The following CS variants were observed in gnomAD, a reference collection of about 807,000 sequenced individuals.
The protein encoded by CS is citrate synthase, mitochondrial.
CS carries 13 observed loss-of-function variants against 61.4 expected under a neutral mutation model. The ratio of observed to expected loss-of-function variants is 0.21; its 90% CI spans 0.14 to 0.34. CS has a LOEUF of 0.34. CS is among the 10% of genes least tolerant of loss of function. The pLI is 1.00. For synonymous variants in CS, 159 were observed against 215.2 expected, an observed-to-expected ratio of 0.74 and a Z score of 2.29; for missense variants, 278 against 573.4, an observed-to-expected ratio of 0.48 and a Z score of 5.26.
At position 56,284,991 on chromosome 12, in the gene CS, C is replaced by T. The variant is rs147922085; in HGVS notation, c.201+925G>A. Among the ~76,000 whole-genome samples the T allele has an allele frequency of 5.5e-3, 823 of 150,872 alleles. 7 individuals carry two copies. Among genetic ancestry groups the T allele is most frequent in the African/African-American group, 0.019 (792 of 41,124 alleles). On this transcript the variant is annotated intron_variant, in intron 3 of 10. Coordinates refer to ENST00000351328, the MANE Select transcript of CS (RefSeq NM_004077.3). ...AGATGGAGTCTCACTCTTGCCCAGG[C>T]TGGAGTGCAATGGTGCAATCTCAGC...
At chr12:56,282,086 T>C (rs1251545094) in intron 6 of CS, among the ~76,000 whole-genome samples, 2 of 152,220 alleles carry the variant, frequency 1.3e-5, no homozygotes, top group African/African-American at 2.4e-5. Context: ...CTTGAACTCC[T>C]GACCTCGTGA....
chr12:56,290,597 G>T (rs1285089044), intron 1 of CS, among the ~76,000 whole-genome samples: 2 of 152,262 alleles, frequency 1.3e-5, no homozygotes, highest in South Asian at 2.1e-4. Context: ...GTTATCAGAG[G>T]AATTTTAAAG....
intron 5 of CS, 38 bp downstream of exon 5, chr12:56,282,822 G>A: frequency 1.2e-6 from 2 of 1,610,506 alleles, no homozygotes; most frequent in Non-Finnish European, 1.7e-6. Flanking sequence ...CAATGAAGAA[G>A]GGGAATGAGA....
chr12:56,297,334 A>G (rs1176997546), intron 1 of CS, among the ~76,000 whole-genome samples: 1 of 152,244 alleles, frequency 6.6e-6, no homozygotes, highest in Non-Finnish European at 1.5e-5. Context: ...ATTGCTTAGC[A>G]TTAATGAATT....
chr12:56,275,446 A>G (rs1215613276), intron 7 of CS: 4 of 296,786 alleles, frequency 1.3e-5, no homozygotes, highest in Non-Finnish European at 2.6e-5. Flanking sequence ...GGTGGCACAC[A>G]TCTGTAGTCC....
chr12:56,276,382 C>T (rs1000131674), intron 6 of CS, among the ~76,000 whole-genome samples, 187 bp from the exon 7 acceptor site: 2 of 152,158 alleles, frequency 1.3e-5, no homozygotes, highest in African/African-American at 4.8e-5. Flanking sequence ...CACTGAATAA[C>T]TATTATGACC....
At chr12:56,283,462 C>T (rs149685291) in intron 4 of CS, among the ~76,000 whole-genome samples, 9 of 152,270 alleles carry the variant, frequency 5.9e-5, no homozygotes, top group African/African-American at 2.2e-4. Flanking sequence ...CCAGGACGGT[C>T]TCAACCTCCT....
At chr12:56,295,737 G>A (rs938773817) in intron 1 of CS, among the ~76,000 whole-genome samples, 4 of 150,604 alleles carry the variant, frequency 2.7e-5, no homozygotes, top group Non-Finnish European at 5.9e-5. Context: ...GGCGGATCAC[G>A]AGGTCAGGAG....
chr12:56,286,290 C>A, intron 2 of CS: 1 of 537,882 alleles, frequency 1.9e-6, no homozygotes, highest in Non-Finnish European at 3.3e-6. Context: ...ATATCTACTG[C>A]CACTAAACCA....
chr12:56,300,329 G>C lies in CS; in HGVS notation c.-128C>G, dbSNP rs1592417214. Reference sequence around the variant, plus strand: ...ACAAGGTTGAAAGGAGGCGGCTGAAGGAAAGAGTAGACGAACCGGCGGCGG... The same window carrying C: ...ACAAGGTTGAAAGGAGGCGGCTGAACGAAAGAGTAGACGAACCGGCGGCGG... On this transcript the variant is annotated 5_prime_UTR_variant, in exon 1 of 11. Transcript: ENST00000351328. 8 of 1,054,508 alleles carry C rather than the reference G, an allele frequency of 7.6e-6. No homozygotes were observed. The highest frequency in any genetic ancestry group is 9.6e-6 in the Non-Finnish European group (7 of 731,802). The allele number at this position is 1,054,508 out of a possible 1,614,324, so 65.3% of individuals were successfully genotyped here.
chr12:56,299,154 G>A (rs917924707), intron 1 of CS, among the ~76,000 whole-genome samples: 3 of 152,124 alleles, frequency 2.0e-5, no homozygotes, highest in Non-Finnish European at 4.4e-5. Context: ...CTTTGCAGAA[G>A]TCAAGGTCAC....
chr12:56,273,503 C>T (rs1872560791), intron 10 of CS, 84 bp downstream of exon 10: 2 of 1,357,868 alleles, frequency 1.5e-6, no homozygotes, highest in African/African-American at 2.9e-5. Flanking sequence ...CCTGCTCTGA[C>T]TAGGAGTTAA....
rs1389334292 is a variant in CS at position 56,300,322 on chromosome 12, G to C, written c.-121C>G. 4 of 1,129,036 alleles carry C rather than the reference G, an allele frequency of 3.5e-6. No homozygotes were observed. Among genetic ancestry groups the C allele is most frequent in the East Asian group, 5.9e-5 (2 of 33,714 alleles). The allele number at this position is 1,129,036 out of a possible 1,614,324, so 69.9% of individuals were successfully genotyped here. Reference sequence around the variant, plus strand: ...CGGGTTGACAAGGTTGAAAGGAGGCGGCTGAAGGAAAGAGTAGACGAACCG... The same window carrying C: ...CGGGTTGACAAGGTTGAAAGGAGGCCGCTGAAGGAAAGAGTAGACGAACCG... On this transcript the variant is annotated 5_prime_UTR_variant, in exon 1 of 11. Transcript: ENST00000351328.
At chr12:56,297,257 C>T (rs1873334043) in intron 1 of CS, among the ~76,000 whole-genome samples, 1 of 152,144 alleles carries the variant, frequency 6.6e-6, no homozygotes, top group African/African-American at 2.4e-5. Flanking sequence ...AATCCAAACC[C>T]AGATCATCTG....
rs758200783 is a variant in CS, at chr12:56,274,742, G to C, written c.1020+35C>G. On this transcript the variant is annotated intron_variant, in intron 9 of 10. Transcript: ENST00000351328. ...TTCCAAATTGCAGAACTTGTGTCTT[G>C]GTTTCTTTCCTAGTCGTTAAGCATC... is the stretch of plus-strand genomic sequence containing the variant. 3.5e-6 allele frequency: 5 copies of C among 1,444,444 alleles called. No homozygotes were observed. In the East Asian group the frequency reaches 9.5e-5, roughly 28 times the overall value. The allele number at this position is 1,444,444 out of a possible 1,614,324, so 89.5% of individuals were successfully genotyped here.
chr12:56,299,337 G>A (rs1873404606), intron 1 of CS, among the ~76,000 whole-genome samples: 1 of 152,104 alleles, frequency 6.6e-6, no homozygotes, highest in Non-Finnish European at 1.5e-5. Context: ...CCAAGTAAAG[G>A]ACCCCAAAGA....
chr12:56,300,231 G>A lies in CS; in HGVS notation c.-30C>T, dbSNP rs1450414206. On this transcript the variant is annotated 5_prime_UTR_variant, in exon 1 of 11. Transcript: ENST00000351328. ...GGCGATCTCCGGGATCTGGTGGGGA[G>A]GTAAGAAAGGGAGAGAGCTGCGGCA... 2 of 1,550,212 alleles carry A rather than the reference G, an allele frequency of 1.3e-6. No homozygotes were observed. The highest frequency in any genetic ancestry group is 2.0e-5 in the Admixed American group (1 of 50,600).
At chr12:56,288,662 A>G (rs1219863094) in intron 1 of CS, among the ~76,000 whole-genome samples, 1 of 151,900 alleles carries the variant, frequency 6.6e-6, no homozygotes, top group Non-Finnish European at 1.5e-5. Context: ...GAATGAAAAG[A>G]GGCCCTTCAG....
chr12:56,300,160 C>T lies in CS; in HGVS notation c.42G>A (p.Lys14=), dbSNP rs1358030939. The T allele has an allele frequency of 1.9e-6, 3 of 1,567,074 alleles. No individual in the cohort carries two copies. The highest frequency in any genetic ancestry group is 1.7e-6 in the Non-Finnish European group (2 of 1,157,202). The change falls in exon 1 of 11, where the codon AAG becomes AAA. Residue 14 remains lysine (K), a splice_region_variant and synonymous_variant. Transcript: ENST00000351328. ...LTAAARLLGT[K]NASCLVLAAR... ...CGTGCTCCCTCCCCTCGCTGCTCAC[C>T]TTGGTTCCCAAGAGCCGGGCGGCCG...
Sources: gnomAD v4.1 joint callset for allele counts (sites outside exome capture counted in the v4.1 genomes callset) on GRCh38, gnomAD v4.1.1 for gene constraint, MANE v1.5 for transcripts, NCBI Gene and HGNC (gene_info 2026-07-23, HGNC 2026-07-21) for gene names.